The following CRYBG2 variants were observed in gnomAD, a reference collection of about 807,000 sequenced individuals.
CRYBG2 encodes beta/gamma crystallin domain-containing protein 2.
In CRYBG2, 106 loss-of-function variants were observed where a neutral mutation model predicts 153.4. The ratio of observed to expected loss-of-function variants is 0.69; its 90% CI spans 0.59 to 0.81. The LOEUF (loss-of-function observed/expected upper bound fraction) is 0.81. CRYBG2 is among the 30% of genes least tolerant of loss of function. The pLI, the probability that CRYBG2 is intolerant of heterozygous loss-of-function variation, is 0.00. For missense variants in CRYBG2, 1,996 were observed against 2,112.0 expected, an observed-to-expected ratio of 0.95 and a Z score of 1.08; for synonymous variants, 851 against 877.8, an observed-to-expected ratio of 0.97 and a Z score of 0.54.
At chr1:26,326,848 AGG>A (rs1382728482) in intron 17 of CRYBG2, 1 of 512,930 alleles carries the variant, frequency 1.9e-6, no homozygotes, top group Non-Finnish European at 3.9e-6. Flanking sequence ...GCAGACTTCA[AGG>A]GGTTCATGTT....
At position 26,325,163 on chromosome 1, in the gene CRYBG2, C is replaced by T. The variant is rs2073907708; in HGVS notation, c.4579-853G>A. The T allele has an allele frequency of 6.6e-6, 1 of 152,204 alleles. No individual in the cohort carries two copies. Among genetic ancestry groups the T allele is most frequent in the South Asian group, 2.1e-4 (1 of 4,834 alleles). The allele number at this position is 152,204 out of a possible 1,614,324, so 9.4% of individuals were successfully genotyped here. A position where few individuals can be genotyped will look rare whatever the true frequency, so the allele number is the denominator to read the frequency against. On this transcript the variant is annotated intron_variant, in intron 17 of 19. Coordinates refer to ENST00000308182, the MANE Select transcript of CRYBG2 (RefSeq NM_001039775.4). The surrounding 1 kb of genome is among the most constrained non-coding windows in gnomAD (Gnocchi z 4.1). ...AGATAATCTCCAAGATTTCTCCCAG[C>T]AATGATGTTATGAGTCTTGAATACA...
intron 5 of CRYBG2, among the ~76,000 whole-genome samples, chr1:26,339,805 A>C (rs891208276): frequency 5.9e-5 from 9 of 152,162 alleles, no homozygotes; most frequent in Admixed American, 5.9e-4. Flanking sequence ...CGCTTCCCCA[A>C]GTCCATTTAG....
intron 14 of CRYBG2, among the ~76,000 whole-genome samples, chr1:26,335,134 A>G (rs1235754590): frequency 3.4e-5 from 5 of 144,944 alleles, no homozygotes; most frequent in Middle Eastern, 3.5e-3. Context: ...AAAAAAAAAA[A>G]TGTACAAAAT....
chr1:26,336,312 G>T lies in CRYBG2; in HGVS notation c.4071+26C>A. The stretch of plus-strand genomic sequence containing the variant: ...ATGAGGGGAGAGACGTGAGCCCAGC[G>T]GCTCCCTGCGGAGTCCCTGCCTTAC... On this transcript the variant is annotated intron_variant, in intron 13 of 19. Transcript: ENST00000308182. This position sits in a 1 kb window ranked among gnomAD's most constrained non-coding sequence, Gnocchi z 4.9. 1.9e-6 allele frequency: 3 copies of T among 1,612,804 alleles called. No individual in the cohort carries two copies. Among genetic ancestry groups the T allele is most frequent in the Non-Finnish European group, 2.5e-6 (3 of 1,179,386 alleles).
At position 26,345,820 on chromosome 1, in the gene CRYBG2, T is replaced by C; in HGVS notation, c.838A>G (p.Thr280Ala). 6.3e-7 allele frequency: 1 copy of C among 1,596,564 alleles called. No homozygotes were observed. Among genetic ancestry groups the C allele is most frequent in the Non-Finnish European group, 8.5e-7 (1 of 1,179,104 alleles). Residue 280 changes from threonine (T) to alanine (A), a missense_variant, in exon 2 of 20, where the codon ACC becomes GCC. Coordinates refer to ENST00000308182, the MANE Select transcript of CRYBG2 (RefSeq NM_001039775.4). ...CTGTCTTTAAGCTCTGCTGTCCCGG[T>C]CTCAGGCAGCTGCCTCAAGGCTGCC... ...VGAALRQLPE[T>A]GTAELKDSSA...
chr1:26,323,081 T>C (rs2073878754), intron 18 of CRYBG2, among the ~76,000 whole-genome samples: 1 of 107,806 alleles, frequency 9.3e-6, no homozygotes, highest in Non-Finnish European at 2.1e-5. Context: ...TACTTTCTAT[T>C]CTCCTTTTTT....
At position 26,346,723 on chromosome 1, in the gene CRYBG2, A is replaced by G. The variant is rs2074227641; in HGVS notation, c.-55-11T>C. On this transcript the variant is annotated splice_polypyrimidine_tract_variant and intron_variant, in intron 1 of 19. Transcript: ENST00000308182. This position sits in a 1 kb window ranked among gnomAD's most constrained non-coding sequence, Gnocchi z 4.9. ...CTGTGGTCCAGCTCCCTGCAGAGGA[A>G]TAAGAAAGATGAGGGTCAGAGGGTG... 6 of 1,442,408 alleles carry G rather than the reference A, an allele frequency of 4.2e-6. No homozygotes were observed. The highest frequency in any genetic ancestry group is 2.9e-5 in the African/African-American group (2 of 69,566). The allele number at this position is 1,442,408 out of a possible 1,614,324, so 89.4% of individuals were successfully genotyped here.
chr1:26,327,037 T>C, intron 17 of CRYBG2: 1 of 488,230 alleles, frequency 2.0e-6, no homozygotes, highest in South Asian at 1.5e-5. Context: ...GAAAGCTAAA[T>C]AAAAACTGGG....
At chr1:26,334,031 T>C (rs1223443406) in intron 14 of CRYBG2, among the ~76,000 whole-genome samples, 2 of 152,122 alleles carry the variant, frequency 1.3e-5, no homozygotes, top group Admixed American at 6.5e-5. Flanking sequence ...GTTGCCCAGG[T>C]GATTCTTGAA....
At chr1:26,322,735 T>C (rs973786333) in intron 18 of CRYBG2, among the ~76,000 whole-genome samples, 4 of 151,902 alleles carry the variant, frequency 2.6e-5, no homozygotes, top group African/African-American at 7.3e-5. Context: ...AGACTAAAGA[T>C]TATAGGAGGC....
intron 1 of CRYBG2, among the ~76,000 whole-genome samples, chr1:26,352,262 C>T (rs1245756014): frequency 6.6e-6 from 1 of 152,024 alleles, no homozygotes; most frequent in Non-Finnish European, 1.5e-5. Flanking sequence ...CACCTAGAAG[C>T]CTATAAAAAC....
chr1:26,350,941 C>A (rs1188457312), intron 1 of CRYBG2, among the ~76,000 whole-genome samples: 1 of 152,138 alleles, frequency 6.6e-6, no homozygotes, highest in Non-Finnish European at 1.5e-5. Context: ...GAACTTTGAC[C>A]CTTCCCTGTG....
In CRYBG2 at chr1:26,336,319, T is replaced by A. The variant is rs370660970; in HGVS notation, c.4071+19A>T. The A allele has an allele frequency of 2.5e-5, 41 of 1,613,104 alleles. No individual in the cohort carries two copies. The African/African-American group carries it at 4.1e-4, about 16-fold the overall frequency. On this transcript the variant is annotated intron_variant, in intron 13 of 19. Transcript: ENST00000308182. The surrounding 1 kb of genome is among the most constrained non-coding windows in gnomAD (Gnocchi z 4.9). ...GAGAGACGTGAGCCCAGCGGCTCCCTGCGGAGTCCCTGCCTTACCTTTGAG... is the reference window on the plus strand; with the variant it reads ...GAGAGACGTGAGCCCAGCGGCTCCCAGCGGAGTCCCTGCCTTACCTTTGAG...
At chr1:26,347,793 G>C (rs1406188369) in intron 1 of CRYBG2, among the ~76,000 whole-genome samples, 1 of 151,954 alleles carries the variant, frequency 6.6e-6, no homozygotes, top group Non-Finnish European at 1.5e-5. Flanking sequence ...CCCAGCCCCA[G>C]CTAGTTTTTA....
intron 5 of CRYBG2, among the ~76,000 whole-genome samples, chr1:26,339,692 T>C (rs10902739): frequency 0.61 from 91,933 of 150,974 alleles, 28,786 homozygotes; most frequent in African/African-American, 0.67. Context: ...GCCGAGATCA[T>C]GCCATTGCAC....
chr1:26,328,184 G>T lies in CRYBG2; in HGVS notation c.4578+25C>A, dbSNP rs375785697. On this transcript the variant is annotated intron_variant, in intron 17 of 19. Transcript: ENST00000308182. The stretch of plus-strand genomic sequence containing the variant: ...CCCAGACACGCTCAGCCCCAGACAC[G>T]CTCAGCTCCAGCCACGCTACCCACC... The T allele has an allele frequency of 1.9e-4, 302 of 1,556,136 alleles. 1 individual carries two copies. Among genetic ancestry groups the T allele is most frequent in the Middle Eastern group, 5.0e-4 (3 of 5,998 alleles).
At chr1:26,333,048 A>AAAAAAAAAAAAAAT (rs2074016788) in intron 14 of CRYBG2, among the ~76,000 whole-genome samples, 6 of 128,348 alleles carry the variant, frequency 4.7e-5, no homozygotes, top group Non-Finnish European at 6.6e-5. Context: ...AAAAAAAAAG[A>AAAAAAAAAAAAAAT]TTTCTAACAG....
chr1:26,330,410 G>A (rs1055622546), intron 15 of CRYBG2, among the ~76,000 whole-genome samples: 1 of 152,018 alleles, frequency 6.6e-6, no homozygotes, highest in Non-Finnish European at 1.5e-5. Flanking sequence ...GCCTGGCTTT[G>A]CCTGTTACCA....
intron 1 of CRYBG2, among the ~76,000 whole-genome samples, chr1:26,347,900 A>G (rs2074245496): frequency 1.3e-5 from 2 of 152,176 alleles, no homozygotes; most frequent in South Asian, 2.1e-4. Flanking sequence ...TGTTGGGATT[A>G]TGGATATATG....
Sources: gnomAD v4.1 joint callset for allele counts (sites outside exome capture counted in the v4.1 genomes callset) on GRCh38, gnomAD v4.1.1 for gene constraint, Gnocchi (gnomAD v3.1) non-coding constraint, MANE v1.5 for transcripts, NCBI Gene and HGNC (gene_info 2026-07-23, HGNC 2026-07-21) for gene names.